CPLANE1: variants seen among roughly 807,000 people sequenced by gnomAD.
CPLANE1 encodes ciliogenesis and planar polarity effector complex subunit 1.
CPLANE1 carries 263 observed loss-of-function variants against 362.5 expected under a neutral mutation model. The ratio of observed to expected loss-of-function variants is 0.73; its 90% CI spans 0.66 to 0.80. CPLANE1 has a LOEUF of 0.80. Ranked by LOEUF, CPLANE1 falls within the 30% of genes least tolerant of loss-of-function variation. CPLANE1 has a pLI of 0.00. For missense variants in CPLANE1, 3,461 were observed against 3,793.4 expected (o/e 0.91, Z 2.30); for synonymous variants, 1,212 against 1,302.6 (o/e 0.93, Z 1.50).
At chr5:37,164,356 T>A in intron 36 of CPLANE1, 29 bp from the exon 37 acceptor site, 1 of 1,569,346 alleles carries the variant, frequency 6.4e-7, no homozygotes, top group African/African-American at 1.4e-5. Flanking sequence ...GATTACTCTA[T>A]GATTAACTCA....
intron 18 of CPLANE1, among the ~76,000 whole-genome samples, 186 bp from the exon 19 acceptor site, chr5:37,201,994 G>C (rs773320189): frequency 2.0e-5 from 3 of 152,056 alleles, no homozygotes; most frequent in Non-Finnish European, 4.4e-5. Context: ...TTATAGGTAA[G>C]ACCATGAGAC....
intron 8 of CPLANE1, among the ~76,000 whole-genome samples, chr5:37,233,097 G>A (rs1798114939): frequency 6.6e-6 from 1 of 152,194 alleles, no homozygotes. Context: ...CTTTGGGCCT[G>A]ACACATGGAG....
chr5:37,186,432 T>C, intron 23 of CPLANE1, 38 bp from the exon 24 acceptor site: 1 of 907,196 alleles, frequency 1.1e-6, no homozygotes, highest in Non-Finnish European at 1.8e-6. Flanking sequence ...ATGAGAAACA[T>C]CATTCTTTTT....
rs542322667 is a variant in CPLANE1 at position 37,248,115 on chromosome 5, T to C, written c.-47-370A>G. ...CACTGAAGATCTTAACTGACAATTT[T>C]CATAAAGTTTTGATTTATATTTTAT... On this transcript the variant is annotated intron_variant, in intron 1 of 52. Transcript: ENST00000651892. 2.0e-5 allele frequency among the ~76,000 whole-genome samples: 3 copies of C among 151,692 alleles called. No individual in the cohort carries two copies. In the East Asian group the frequency reaches 5.8e-4, roughly 29 times the overall value.
chr5:37,100,560 TC>T, the CPLANE1 span, among the ~76,000 whole-genome samples: 2 of 152,352 alleles, frequency 1.3e-5, no homozygotes, highest in East Asian at 3.9e-4. Context: ...CAAGCTTTGT[TC>T]TTTTTGTTTA....
At chr5:37,099,265 C>A in the CPLANE1 span, among the ~76,000 whole-genome samples, 2 of 152,152 alleles carry the variant, frequency 1.3e-5, no homozygotes, top group African/African-American at 2.4e-5. Flanking sequence ...ATTAGTTATT[C>A]TTCCTGATGC....
At chr5:37,165,411 T>C in intron 36 of CPLANE1, 128 bp downstream of exon 36, 2 of 863,006 alleles carry the variant, frequency 2.3e-6, no homozygotes, top group Non-Finnish European at 3.7e-6. Context: ...ACTGATATAC[T>C]GAATGATATG....
At chr5:37,132,882 C>T (rs1420707073) in intron 46 of CPLANE1, among the ~76,000 whole-genome samples, 1 of 152,100 alleles carries the variant, frequency 6.6e-6, no homozygotes, top group African/African-American at 2.4e-5. Context: ...TCCTAAGTTT[C>T]TTCTAGGATT....
chr5:37,166,452 G>A (rs1778270279), intron 35 of CPLANE1, among the ~76,000 whole-genome samples: 1 of 152,134 alleles, frequency 6.6e-6, no homozygotes, highest in Non-Finnish European at 1.5e-5. Flanking sequence ...GTTCAACCAT[G>A]GTTCGAAAAT....
At chr5:37,223,098 T>G (rs867200354) in intron 14 of CPLANE1, among the ~76,000 whole-genome samples, 2 of 152,240 alleles carry the variant, frequency 1.3e-5, no homozygotes, top group African/African-American at 4.8e-5. Context: ...TTAGCTCTTA[T>G]GATCCTACCG....
At chr5:37,107,901 G>A (rs1414251767) in intron 52 of CPLANE1, 123 bp from the exon 53 acceptor site, 1 of 1,415,976 alleles carries the variant, frequency 7.1e-7, no homozygotes, top group Non-Finnish European at 9.3e-7. Context: ...TCCATCAAAA[G>A]GCTGAAGGAA....
chr5:37,145,818 A>C (rs1036200578), intron 43 of CPLANE1, among the ~76,000 whole-genome samples: 2 of 152,334 alleles, frequency 1.3e-5, no homozygotes, highest in Non-Finnish European at 1.5e-5. Flanking sequence ...TATATCAGTA[A>C]ATACAATAAA....
chr5:37,149,534 C>T (rs1428351691), intron 42 of CPLANE1, among the ~76,000 whole-genome samples: 1 of 152,000 alleles, frequency 6.6e-6, no homozygotes, highest in Non-Finnish European at 1.5e-5. Flanking sequence ...GATGCAGAAC[C>T]CATGGATATA....
chr5:37,164,299 G>C lies in CPLANE1; in HGVS notation c.7562C>G (p.Pro2521Arg), dbSNP rs922260468. 5 of 1,612,866 alleles carry C rather than the reference G, an allele frequency of 3.1e-6. No individual in the cohort carries two copies. In the African/African-American group the frequency reaches 5.3e-5, roughly 17 times the overall value. Residue 2521 changes from proline (P) to arginine (R), a missense_variant, in exon 37 of 53, where the codon CCT becomes CGT. By Grantham distance (103) the Pro-to-Arg change is moderately radical. Coordinates refer to ENST00000651892, the MANE Select transcript of CPLANE1 (RefSeq NM_001384732.1). ...KEQQEHCGSH[P>R]LDDFDVPFEM... is the part of the protein sequence containing the mutation. ...AAAAGGAACGTCGAAGTCATCCAAA[G>C]GATGGGAACCACAATGTTCTTGTTG...
the CPLANE1 span, among the ~76,000 whole-genome samples, chr5:37,086,884 C>T: frequency 3.3e-5 from 5 of 152,004 alleles, no homozygotes; most frequent in Admixed American, 2.0e-4. Flanking sequence ...GTGGTGACCC[C>T]GATGTGACCA....
At chr5:37,131,773 G>A (rs56762878) in intron 46 of CPLANE1, among the ~76,000 whole-genome samples, 4,328 of 151,898 alleles carry the variant, frequency 0.028, 223 homozygotes, top group African/African-American at 0.098. Flanking sequence ...CTCCTGATCC[G>A]CCCACCTCAG....
chr5:37,219,000 T>C (rs1333759050), intron 15 of CPLANE1, among the ~76,000 whole-genome samples: 1 of 151,100 alleles, frequency 6.6e-6, no homozygotes, highest in African/African-American at 2.4e-5. Context: ...CAACTTATCA[T>C]GAAAGTTAAA....
chr5:37,191,530 G>A (rs970600401), intron 21 of CPLANE1, among the ~76,000 whole-genome samples: 1 of 152,070 alleles, frequency 6.6e-6, no homozygotes, highest in Admixed American at 6.6e-5. Flanking sequence ...AATTAACCAG[G>A]TATGGTGGTA....
intron 21 of CPLANE1, among the ~76,000 whole-genome samples, chr5:37,195,465 G>A (rs899142390): frequency 1.3e-5 from 2 of 151,944 alleles, no homozygotes; most frequent in African/African-American, 4.8e-5. Flanking sequence ...GCTGGGTGTG[G>A]TGGTGTGCAC....
Sources: allele counts gnomAD v4.1 joint callset (sites outside exome capture counted in the v4.1 genomes callset), GRCh38; gene constraint gnomAD v4.1.1; transcripts MANE v1.5; gene names NCBI Gene and HGNC (gene_info 2026-07-23, HGNC 2026-07-21).